The following KIAA1549L variants were observed in gnomAD, a reference collection of about 807,000 sequenced individuals.
KIAA1549L encodes the protein UPF0606 protein KIAA1549L.
Under a neutral mutation model 160.7 loss-of-function variants are expected in KIAA1549L, and 88 were observed. The observed-to-expected ratio is 0.55, with a 90% CI of 0.46 to 0.65. The LOEUF is 0.65. Ranked by LOEUF, KIAA1549L falls within the 30% of genes least tolerant of loss-of-function variation. The probability of loss-of-function intolerance (pLI) is 0.00; values close to 1 mark genes in which losing one functional copy is unlikely to be tolerated. For missense variants in KIAA1549L, 2,258 were observed against 2,437.5 expected, an observed-to-expected ratio of 0.93 and a Z score of 1.55; for synonymous variants, 950 against 976.7, an observed-to-expected ratio of 0.97 and a Z score of 0.51.
At chr11:33,596,369 C>T (rs547526560) in intron 12 of KIAA1549L, among the ~76,000 whole-genome samples, 6 of 152,250 alleles carry the variant, frequency 3.9e-5, no homozygotes, top group African/African-American at 1.2e-4. Context: ...TCATTAACAC[C>T]TTTCCTTGGA....
At chr11:33,583,696 T>C (rs1251144330) in intron 11 of KIAA1549L, among the ~76,000 whole-genome samples, 195 bp downstream of exon 11, 1 of 152,168 alleles carries the variant, frequency 6.6e-6, no homozygotes, top group Non-Finnish European at 1.5e-5. Flanking sequence ...CGGCCATCAG[T>C]GCTTCCAAGT....
intron 17 of KIAA1549L, among the ~76,000 whole-genome samples, chr11:33,650,763 C>A (rs913582526): frequency 6.6e-5 from 10 of 152,176 alleles, no homozygotes; most frequent in Non-Finnish European, 1.5e-4. Context: ...CGCACCTGCC[C>A]CTCTCCGGTG....
chr11:33,481,385 T>C (rs1342954890), intron 1 of KIAA1549L, among the ~76,000 whole-genome samples: 1 of 152,254 alleles, frequency 6.6e-6, no homozygotes, highest in Non-Finnish European at 1.5e-5. Flanking sequence ...GTTTGTTCTA[T>C]AGGTAAACTG....
chr11:33,412,785 C>T (rs185335520), intron 1 of KIAA1549L, among the ~76,000 whole-genome samples: 6 of 152,248 alleles, frequency 3.9e-5, no homozygotes, highest in East Asian at 1.9e-4. Flanking sequence ...ATTATGTAAA[C>T]GGATTAAATA....
At position 33,470,510 on chromosome 11, in the gene KIAA1549L, A is replaced by G. The variant is rs921192608; in HGVS notation, c.239-71292A>G. On this transcript the variant is annotated intron_variant, in intron 1 of 20. Transcript: ENST00000658780. ...GCCCAAGCAGAAGTGCAGTGGTGTGATCATGGCTTACTGCAGCCTTCACCT... is the reference window on the plus strand; with the variant it reads ...GCCCAAGCAGAAGTGCAGTGGTGTGGTCATGGCTTACTGCAGCCTTCACCT... Among the ~76,000 whole-genome samples, 17 of 151,852 alleles carry G rather than the reference A, an allele frequency of 1.1e-4. 1 individual carries two copies.
chr11:33,660,573 AAAAG>A (rs375602338), intron 19 of KIAA1549L, among the ~76,000 whole-genome samples: 1 of 151,018 alleles, frequency 6.6e-6, no homozygotes, highest in Admixed American at 6.6e-5. Flanking sequence ...TCAAAAAAAA[AAAAG>A]AAAGAAGACC....
chr11:33,423,405 T>TG (rs904100064), intron 1 of KIAA1549L, among the ~76,000 whole-genome samples: 1 of 152,198 alleles, frequency 6.6e-6, no homozygotes, highest in African/African-American at 2.4e-5. Flanking sequence ...AGTTTATAAA[T>TG]GGATAACTGG....
At chr11:33,460,612 T>A (rs1177190183) in intron 1 of KIAA1549L, among the ~76,000 whole-genome samples, 1 of 152,214 alleles carries the variant, frequency 6.6e-6, no homozygotes, top group South Asian at 2.1e-4. Flanking sequence ...AATGCATGTG[T>A]GTTTGTCTTC....
intron 11 of KIAA1549L, 92 bp from the exon 12 acceptor site, chr11:33,591,145 T>C: frequency 1.2e-6 from 1 of 842,058 alleles, no homozygotes. Context: ...CTAAGTTTGG[T>C]CCCATCTTTT....
chr11:33,435,774 A>ATGTGTGTGTGTGTGTG (rs1565135690), intron 1 of KIAA1549L, among the ~76,000 whole-genome samples: 1 of 6,120 alleles, frequency 1.6e-4, no homozygotes, highest in African/African-American at 1.2e-3. Flanking sequence ...ATATATATAT[A>ATGTGTGTGTGTGTGTG]TATATATATA....
At chr11:33,482,175 A>T (rs1852423761) in intron 1 of KIAA1549L, among the ~76,000 whole-genome samples, 1 of 152,038 alleles carries the variant, frequency 6.6e-6, no homozygotes, top group African/African-American at 2.4e-5. Context: ...AAGGTTATTG[A>T]TTTTTGAGGA....
intron 1 of KIAA1549L, among the ~76,000 whole-genome samples, chr11:33,407,140 A>G (rs1850678445): frequency 8.0e-6 from 1 of 125,444 alleles, no homozygotes; most frequent in Non-Finnish European, 1.5e-5. Context: ...GCTGGAGTGC[A>G]GTGGCGTGAT....
chr11:33,552,696 A>G (rs929569520), intron 6 of KIAA1549L, among the ~76,000 whole-genome samples: 2,513 of 100,256 alleles, frequency 0.025, 70 homozygotes, highest in African/African-American at 0.063. Context: ...ACACACACAC[A>G]CACACACATG....
At chr11:33,435,810 A>G (rs11032273) in intron 1 of KIAA1549L, among the ~76,000 whole-genome samples, 3,195 of 26,420 alleles carry the variant, frequency 0.12, 375 homozygotes, top group East Asian at 0.27. Context: ...ATATATATAT[A>G]TGTGTGTGTA....
intron 1 of KIAA1549L, among the ~76,000 whole-genome samples, chr11:33,423,777 G>A (rs1851064787): frequency 6.6e-6 from 1 of 152,220 alleles, no homozygotes; most frequent in East Asian, 1.9e-4. Context: ...CCTGTAATTC[G>A]AGCACTTTGG....
At position 33,376,451 on chromosome 11, in the gene KIAA1549L, CCCTGCGCGGGT is replaced by C. The variant is rs1849954184; in HGVS notation, c.-200_-190del. 6.8e-6 allele frequency: 1 copy of C among 147,286 alleles called. No homozygotes were observed. Among genetic ancestry groups the C allele is most frequent in the Non-Finnish European group, 1.5e-5 (1 of 66,132 alleles). 9.1% of individuals were successfully genotyped at this position (147,286 alleles called of 1,614,324 possible). ...CGCCGCGGCTCCATGCGGGCCCGGC[CCCTGCGCGGGT>C]GAAGCCGCGGCTCCCTGGAGCCCGC... On this transcript the variant is annotated 5_prime_UTR_variant, in exon 1 of 21. The change abolishes the stop of an existing upstream ORF in the 5' untranslated region. Coordinates refer to ENST00000658780, the MANE Select transcript of KIAA1549L (RefSeq NM_012194.3). The surrounding 1 kb of genome is among the most constrained non-coding windows in gnomAD (Gnocchi z 5.8).
intron 1 of KIAA1549L, among the ~76,000 whole-genome samples, chr11:33,431,286 C>T (rs1207684461): frequency 3.9e-5 from 6 of 152,152 alleles, no homozygotes; most frequent in African/African-American, 1.2e-4. Flanking sequence ...GGGACCCGAG[C>T]GGATTGCCAC....
intron 1 of KIAA1549L, among the ~76,000 whole-genome samples, chr11:33,413,862 C>A (rs771278916): frequency 6.6e-6 from 1 of 152,124 alleles, no homozygotes; most frequent in Non-Finnish European, 1.5e-5. Context: ...TTTAGACTGT[C>A]TTATGGAGGG....
At chr11:33,581,436 C>T (rs7115000) in intron 10 of KIAA1549L, among the ~76,000 whole-genome samples, 18,062 of 151,032 alleles carry the variant, frequency 0.12, 3,560 homozygotes, top group African/African-American at 0.41. Flanking sequence ...TGTGTGTTTA[C>T]GCTTGCACAT....
Sources: allele counts gnomAD v4.1 joint callset (sites outside exome capture counted in the v4.1 genomes callset), GRCh38; gene constraint gnomAD v4.1.1; non-coding constraint Gnocchi (gnomAD v3.1); transcripts MANE v1.5; gene names NCBI Gene and HGNC (gene_info 2026-07-23, HGNC 2026-07-21).